The following C1QA variants were observed in gnomAD, a reference collection of about 807,000 sequenced individuals.
C1QA encodes complement C1q A chain.
In C1QA, 3 loss-of-function variants were observed where a neutral mutation model predicts 6.9. The observed-to-expected ratio is 0.44, with a 90% CI of 0.20 to 1.12. C1QA has a LOEUF of 1.12. Among genes scored for constraint, C1QA ranks in the 50% most tolerant of loss-of-function variants. C1QA has a pLI of 0.27. For missense variants in C1QA, 273 were observed against 326.6 expected (o/e 0.84, Z 1.26); for synonymous variants, 128 against 134.1 (o/e 0.95, Z 0.31).
rs1642198306 is a variant in C1QA at position 22,637,469 on chromosome 1, G to C, written c.-7-141G>C. ...GCGTGGGGTCCTGGGGCTGGATTGA[G>C]AGTGGACATTGAGAGCCCCAGAGGG... On this transcript the variant is annotated intron_variant, in intron 1 of 2. Transcript: ENST00000374642. This position sits in a 1 kb window ranked among gnomAD's most constrained non-coding sequence, Gnocchi z 4.4. 1 of 1,030,548 alleles carries C rather than the reference G, an allele frequency of 9.7e-7. No homozygotes were observed. Among genetic ancestry groups the C allele is most frequent in the Admixed American group, 2.0e-5 (1 of 48,872 alleles). 63.8% of individuals were successfully genotyped at this position (1,030,548 alleles called of 1,614,324 possible).
chr1:22,638,764 G>T (rs1223977806), intron 2 of C1QA, 69 bp from the exon 3 acceptor site: 2 of 1,513,690 alleles, frequency 1.3e-6, no homozygotes, highest in Non-Finnish European at 1.8e-6. Context: ...GACTCAGGGG[G>T]TCCAGCTCTC....
In C1QA at chr1:22,637,726, G is replaced by A; in HGVS notation, c.110G>A (p.Gly37Glu). Residue 37 changes from glycine (G) to glutamate (E), a missense_variant, in exon 2 of 3, where the codon GGA becomes GAA. Physicochemically the swap from Gly to Glu is moderately conservative, Grantham distance 98 (BLOSUM62 -2). Transcript: ENST00000374642. The surrounding 1 kb of genome is among the most constrained non-coding windows in gnomAD (Gnocchi z 4.4). ...RAPDGKKGEA[G>E]RPGRRGRPGL... ...CCAGACGGGAAGAAAGGGGAGGCAG[G>A]AAGACCTGGCAGACGGGGGCGGCCA... 1 of 1,612,282 alleles carries A rather than the reference G, an allele frequency of 6.2e-7. No individual in the cohort carries two copies. Among genetic ancestry groups the A allele is most frequent in the South Asian group, 1.1e-5 (1 of 90,702 alleles).
At position 22,639,032 on chromosome 1, in the gene C1QA, G is replaced by T. The variant is rs1557600925; in HGVS notation, c.363G>T (p.Arg121=). The T allele has an allele frequency of 6.2e-7, 1 of 1,614,092 alleles. No individual in the cohort carries two copies. Among genetic ancestry groups the T allele is most frequent in the Non-Finnish European group, 8.5e-7 (1 of 1,179,956 alleles). The change falls in exon 3 of 3, where the codon CGG becomes CGT. Residue 121 remains arginine, a synonymous_variant. Coordinates refer to ENST00000374642, the MANE Select transcript of C1QA (RefSeq NM_015991.4). The surrounding 1 kb of genome is among the most constrained non-coding windows in gnomAD (Gnocchi z 4.6). The part of the protein sequence containing the change: ...DQPRPAFSAI[R]RNPPMGGNVV... Reference sequence around the variant, plus strand: ...CGAGGCCAGCCTTCTCCGCCATTCGGCGGAACCCCCCAATGGGGGGCAACG... The same window carrying T: ...CGAGGCCAGCCTTCTCCGCCATTCGTCGGAACCCCCCAATGGGGGGCAACG...
In C1QA at chr1:22,638,763, G is replaced by A. The variant is rs1007616758; in HGVS notation, c.164-70G>A. 2.7e-6 allele frequency: 4 copies of A among 1,493,732 alleles called. No individual in the cohort carries two copies. In the East Asian group the frequency reaches 9.8e-5, roughly 37 times the overall value. 92.5% of individuals were successfully genotyped at this position (1,493,732 alleles called of 1,614,324 possible). ...TGCCCTTTATCCCATAGACTCAGGG[G>A]GTCCAGCTCTCTCCCTGAGGACCAG... On this transcript the variant is annotated intron_variant, in intron 2 of 2. Transcript: ENST00000374642.
Position 22,639,593 on chromosome 1 carries a change from G to A in C1QA, c.*186G>A, listed in dbSNP as rs1642238730. 1.6e-6 allele frequency: 1 copy of A among 641,192 alleles called. No individual in the cohort carries two copies. Among genetic ancestry groups the A allele is most frequent in the Non-Finnish European group, 2.7e-6 (1 of 372,444 alleles). 39.7% of individuals were successfully genotyped at this position (641,192 alleles called of 1,614,324 possible). ...ACCTCTTCCTGGAATAAACATCTGT[G>A]TCTGTGTCTGCTGAACATGAGCTTC... On this transcript the variant is annotated 3_prime_UTR_variant, in exon 3 of 3. Transcript: ENST00000374642. The surrounding 1 kb of genome is among the most constrained non-coding windows in gnomAD (Gnocchi z 4.6).
At position 22,637,388 on chromosome 1, in the gene C1QA, G is replaced by A. The variant is rs1642196979; in HGVS notation, c.-7-222G>A. Among the ~76,000 whole-genome samples, 2 of 152,138 alleles carry A rather than the reference G, an allele frequency of 1.3e-5. No homozygotes were observed. The highest frequency in any genetic ancestry group is 1.3e-4 in the Admixed American group (2 of 15,272). On this transcript the variant is annotated intron_variant, in intron 1 of 2. Transcript: ENST00000374642. This position sits in a 1 kb window ranked among gnomAD's most constrained non-coding sequence, Gnocchi z 4.4. ...TGTGTTTGTGTGAGTGTGTGAAGAT[G>A]TGGGTGTGCTCTGTTGCATGTGTGG... is the stretch of plus-strand genomic sequence containing the variant.
At position 22,639,226 on chromosome 1, in the gene C1QA, C is replaced by T; in HGVS notation, c.557C>T (p.Ser186Phe). ...TCCTCAAGGGGCCAGGTCCGACGCTCCCTGGGCTTCTGTGACACCACCAAC... is the reference window on the plus strand; with the variant it reads ...TCCTCAAGGGGCCAGGTCCGACGCTTCCTGGGCTTCTGTGACACCACCAAC... The part of the protein sequence containing the change: ...VSSSRGQVRR[S>F]LGFCDTTNKG... Residue 186 changes from serine (S) to phenylalanine (F), a missense_variant, in exon 3 of 3, where the codon TCC (serine) becomes TTC (phenylalanine). Transcript: ENST00000374642. The surrounding 1 kb of genome is among the most constrained non-coding windows in gnomAD (Gnocchi z 4.6). 6.2e-7 allele frequency: 1 copy of T among 1,614,256 alleles called. No homozygotes were observed. Among genetic ancestry groups the T allele is most frequent in the South Asian group, 1.1e-5 (1 of 91,084 alleles).
At chr1:22,636,567 G>A (rs1295302853), upstream of C1QA, 1 of 152,496 alleles carries the variant, frequency 6.6e-6, no homozygotes, top group Non-Finnish European at 1.5e-5. Context: ...GGAAGTTCAG[G>A]GGGCAGGTCT....
rs172378 is a variant in C1QA at position 22,638,945 on chromosome 1, A to C, written c.276A>C (p.Gly92=). ...ACCCAGGGCCCAGCGGCCCCCTCGG[A>C]GCCCGTGGCATCCCGGGAATTAAAG... ...VGYPGPSGPL[G]ARGIPGIKGT... The change falls in exon 3 of 3, where the codon GGA becomes GGC. Residue 92 remains glycine, a synonymous_variant. Transcript: ENST00000374642. 1 of 1,600,360 alleles carries C rather than the reference A, an allele frequency of 6.2e-7. No homozygotes were observed.
In C1QA at chr1:22,639,380, CG is replaced by C; in HGVS notation, c.713del (p.Gly238AlafsTer44). The C allele has an allele frequency of 6.2e-7, 1 of 1,613,828 alleles. No homozygotes were observed. Among genetic ancestry groups the C allele is most frequent in the Non-Finnish European group, 8.5e-7 (1 of 1,180,024 alleles). Reference sequence around the variant, plus strand: ...GCTCTGAGGCCGACAGCGTCTTCAGCGGCTTCCTCATCTTCCCATCTGCCTG... The same window carrying C: ...GCTCTGAGGCCGACAGCGTCTTCAGCGCTTCCTCATCTTCCCATCTGCCTG... The part of the protein sequence containing the change: ...QGSEADSVFS[G>X]FLIFPSA On this transcript the variant is annotated frameshift_variant, in exon 3 of 3. Transcript: ENST00000374642. LOFTEE classifies it high-confidence loss of function. This position sits in a 1 kb window ranked among gnomAD's most constrained non-coding sequence, Gnocchi z 4.6.
In C1QA at chr1:22,637,729, G is replaced by A. The variant is rs766993678; in HGVS notation, c.113G>A (p.Arg38Lys). ...APDGKKGEAG[R>K]PGRRGRPGLK... is the part of the protein sequence containing the mutation. ...GACGGGAAGAAAGGGGAGGCAGGAA[G>A]ACCTGGCAGACGGGGGCGGCCAGGC... Residue 38 changes from arginine to lysine, a missense_variant, in exon 2 of 3, where the codon AGA becomes AAA. Coordinates refer to ENST00000374642, the MANE Select transcript of C1QA (RefSeq NM_015991.4). This position sits in a 1 kb window ranked among gnomAD's most constrained non-coding sequence, Gnocchi z 4.4. 8.7e-6 allele frequency: 14 copies of A among 1,611,230 alleles called. 1 individual carries two copies. The Middle Eastern group carries it at 1.7e-3, about 200-fold the overall frequency.
chr1:22,639,222 C>A lies in C1QA; in HGVS notation c.553C>A (p.Arg185Ser), dbSNP rs1356730605. The change falls in exon 3 of 3, where the codon CGC becomes AGC. Residue 185 changes from arginine (R) to serine (S), a missense_variant. Physicochemically the swap from Arg to Ser is moderately radical, Grantham distance 110 (BLOSUM62 -1). Coordinates refer to ENST00000374642, the MANE Select transcript of C1QA (RefSeq NM_015991.4). This position sits in a 1 kb window ranked among gnomAD's most constrained non-coding sequence, Gnocchi z 4.6. ...CTCCTCCTCAAGGGGCCAGGTCCGA[C>A]GCTCCCTGGGCTTCTGTGACACCAC... ...IVSSSRGQVR[R>S]SLGFCDTTNK... is the part of the protein sequence containing the mutation. 1 of 1,614,106 alleles carries A rather than the reference C, an allele frequency of 6.2e-7. No individual in the cohort carries two copies. Among genetic ancestry groups the A allele is most frequent in the African/African-American group, 1.3e-5 (1 of 74,934 alleles).
Position 22,637,575 on chromosome 1 carries a change from G to A in C1QA, c.-7-35G>A, listed in dbSNP as rs935664831. 1.2e-6 allele frequency: 2 copies of A among 1,611,532 alleles called. No individual in the cohort carries two copies. The highest frequency in any genetic ancestry group is 1.1e-5 in the South Asian group (1 of 90,246). ...GGTGGGAGCTGGGTGTGAGTGTGAT[G>A]TCCAACCTGCCCAGGCCCTCCCGTG... On this transcript the variant is annotated intron_variant, in intron 1 of 2. Transcript: ENST00000374642. The surrounding 1 kb of genome is among the most constrained non-coding windows in gnomAD (Gnocchi z 4.4).
In C1QA at chr1:22,639,014, A is replaced by G. The variant is rs2148290991; in HGVS notation, c.345A>G (p.Pro115=). ...SPGNIKDQPR[P]AFSAIRRNPP... is the part of the protein sequence containing the mutation. ...GAAACATCAAGGACCAGCCGAGGCC[A>G]GCCTTCTCCGCCATTCGGCGGAACC... The change falls in exon 3 of 3, where the codon CCA becomes CCG. Residue 115 remains proline, a synonymous_variant. Coordinates refer to ENST00000374642, the MANE Select transcript of C1QA (RefSeq NM_015991.4). This position sits in a 1 kb window ranked among gnomAD's most constrained non-coding sequence, Gnocchi z 4.6. 2 of 1,613,890 alleles carry G rather than the reference A, an allele frequency of 1.2e-6. No homozygotes were observed. The highest frequency in any genetic ancestry group is 1.6e-4 in the Middle Eastern group (1 of 6,062).
At position 22,637,734 on chromosome 1, in the gene C1QA, G is replaced by T; in HGVS notation, c.118G>T (p.Gly40Cys). The change falls in exon 2 of 3, where the codon GGC becomes TGC. Residue 40 changes from glycine to cysteine, a missense_variant. Physicochemically the swap from Gly to Cys is radical, Grantham distance 159. Transcript: ENST00000374642. The surrounding 1 kb of genome is among the most constrained non-coding windows in gnomAD (Gnocchi z 4.4). ...GAAGAAAGGGGAGGCAGGAAGACCT[G>T]GCAGACGGGGGCGGCCAGGCCTCAA... ...DGKKGEAGRP[G>C]RRGRPGLKGE... 3 of 1,608,554 alleles carry T rather than the reference G, an allele frequency of 1.9e-6. No homozygotes were observed. The highest frequency in any genetic ancestry group is 2.5e-6 in the Non-Finnish European group (3 of 1,177,984).
intron 2 of C1QA, among the ~76,000 whole-genome samples, chr1:22,638,411 C>T (rs1419742208): frequency 6.6e-6 from 1 of 152,164 alleles, no homozygotes; most frequent in Non-Finnish European, 1.5e-5. Context: ...CTCATGGAAT[C>T]ACCCTGGGCC....
In C1QA at chr1:22,638,912, G is replaced by A. The variant is rs1241404417; in HGVS notation, c.243G>A (p.Lys81=). The change falls in exon 3 of 3, where the codon AAG becomes AAA. Residue 81 remains lysine (K), a synonymous_variant. Transcript: ENST00000374642. ...CTGGGCCCTCTGGAAACCCCGGCAA[G>A]GTGGGCTACCCAGGGCCCAGCGGCC... ...GEPGPSGNPG[K]VGYPGPSGPL... 6.3e-7 allele frequency: 1 copy of A among 1,597,404 alleles called. No homozygotes were observed.
intron 2 of C1QA, among the ~76,000 whole-genome samples, chr1:22,638,427 G>A (rs1385085035): frequency 6.6e-6 from 1 of 152,156 alleles, no homozygotes; most frequent in Admixed American, 6.5e-5. Context: ...GGGCCTCCTA[G>A]TCCAAAGCAG....
rs1642191686 is a variant in C1QA at position 22,637,034 on chromosome 1, G to C, written c.-8+332G>C. Among the ~76,000 whole-genome samples the C allele has an allele frequency of 6.6e-6, 1 of 152,124 alleles. No homozygotes were observed. Among genetic ancestry groups the C allele is most frequent in the South Asian group, 2.1e-4 (1 of 4,824 alleles). ...AGCTGGCAGTGGGACCCAGCAGAGG[G>C]GACTGTAGGGGCAGCCAGTCACCCA... On this transcript the variant is annotated intron_variant, in intron 1 of 2. Transcript: ENST00000374642. This position sits in a 1 kb window ranked among gnomAD's most constrained non-coding sequence, Gnocchi z 4.4.
Sources: allele counts gnomAD v4.1 joint callset (sites outside exome capture counted in the v4.1 genomes callset), GRCh38; gene constraint gnomAD v4.1.1; non-coding constraint Gnocchi (gnomAD v3.1); transcripts MANE v1.5; gene names NCBI Gene and HGNC (gene_info 2026-07-23, HGNC 2026-07-21).